DNAH3: variants seen among roughly 807,000 people sequenced by gnomAD.
The protein encoded by DNAH3 is dynein axonemal heavy chain 3, also known as axonemal beta dynein heavy chain 3.
Under a neutral mutation model 432.5 loss-of-function variants are expected in DNAH3, and 332 were observed. The ratio of observed to expected loss-of-function variants is 0.77; its 90% CI spans 0.70 to 0.84. The LOEUF (loss-of-function observed/expected upper bound fraction) is 0.84. DNAH3 is among the 40% of genes least tolerant of loss of function. The pLI is 0.00. For missense variants in DNAH3, 4,861 were observed against 5,114.0 expected (o/e 0.95, Z 1.51); for synonymous variants, 1,956 against 1,900.2 (o/e 1.03, Z -0.76).
At chr16:21,014,223 A>G (rs2087752572) in intron 41 of DNAH3, among the ~76,000 whole-genome samples, 1 of 152,210 alleles carries the variant, frequency 6.6e-6, no homozygotes, top group Non-Finnish European at 1.5e-5. Context: ...AACATATGAA[A>G]AGTATTACAC....
intron 50 of DNAH3, 131 bp from the exon 51 acceptor site, chr16:20,975,546 G>T: frequency 3.5e-6 from 3 of 857,978 alleles, no homozygotes; most frequent in Non-Finnish European, 5.3e-6. Context: ...ATGGTCCTGG[G>T]TACAGATTCG....
chr16:21,087,045 A>G (rs1213811187), exon 19 of DNAH3: 1 of 1,613,766 alleles, frequency 6.2e-7, no homozygotes, highest in African/African-American at 1.3e-5. Flanking sequence ...CTCAGCATTC[A>G]GTAAGAAGAG....
At chr16:20,999,220 A>G (rs2086902456) in intron 43 of DNAH3, among the ~76,000 whole-genome samples, 1 of 152,130 alleles carries the variant, frequency 6.6e-6, no homozygotes, top group Non-Finnish European at 1.5e-5. Flanking sequence ...GTGCCACTGC[A>G]CTCCAGCCTG....
intron 44 of DNAH3, among the ~76,000 whole-genome samples, chr16:20,989,637 C>T (rs567009753): frequency 1.1e-4 from 16 of 152,230 alleles, no homozygotes; most frequent in Admixed American, 5.9e-4. Context: ...CCGGGCGGTA[C>T]GCTCGCACTC....
At chr16:20,988,924 T>TA in intron 44 of DNAH3, among the ~76,000 whole-genome samples, 1 of 152,220 alleles carries the variant, frequency 6.6e-6, no homozygotes, top group Non-Finnish European at 1.5e-5. Context: ...AGGCGGCATG[T>TA]CTGGAGTTAT....
chr16:20,963,836 T>C, exon 53 of DNAH3: 2 of 1,614,082 alleles, frequency 1.2e-6, no homozygotes, highest in Non-Finnish European at 1.7e-6. Context: ...AAATGGTCAA[T>C]GATGTACTTG....
rs768355450 is a variant in DNAH3 at position 21,031,152 on chromosome 16, C to T, written c.5332G>A (p.Glu1778Lys). 2.4e-5 allele frequency: 39 copies of T among 1,613,994 alleles called. No homozygotes were observed. Among genetic ancestry groups the T allele is most frequent in the Non-Finnish European group, 3.2e-5 (38 of 1,180,040 alleles). The change falls in exon 37 of 62, where the codon GAG becomes AAG. Residue 1778 changes from glutamate to lysine, a missense_variant. Glu to Lys is a moderately conservative substitution (Grantham distance 56, BLOSUM62 1). Transcript: ENST00000261383. ...TCATCAGAGAGTGAAGACGCTTGCT[C>T]CCGGAAAGCATTGGCAAGGACACCA...
At chr16:21,067,353 T>G in exon 24 of DNAH3, 3 of 1,614,068 alleles carry the variant, frequency 1.9e-6, no homozygotes, top group Non-Finnish European at 2.5e-6. Context: ...AAGAGAAAGT[T>G]GGCTTCTTGA....
chr16:21,126,231 T>C (rs752567554), intron 8 of DNAH3, among the ~76,000 whole-genome samples: 13 of 152,156 alleles, frequency 8.5e-5, no homozygotes, highest in Non-Finnish European at 1.6e-4. Flanking sequence ...TTTCCTCCCA[T>C]GTCCCCCAGT....
At chr16:20,997,042 C>T in intron 44 of DNAH3, 1 of 452,638 alleles carries the variant, frequency 2.2e-6, no homozygotes, top group Non-Finnish European at 4.0e-6. Context: ...TCTCCTTTTC[C>T]TATGAGACTC....
chr16:20,988,102 A>G, intron 44 of DNAH3, 37 bp from the exon 45 acceptor site: 1 of 1,611,492 alleles, frequency 6.2e-7, no homozygotes, highest in Non-Finnish European at 8.5e-7. Flanking sequence ...CATCCTGGAA[A>G]ACACATATTC....
intron 31 of DNAH3, among the ~76,000 whole-genome samples, chr16:21,044,151 T>C (rs1409364734): frequency 1.5e-5 from 2 of 132,588 alleles, no homozygotes; most frequent in Non-Finnish European, 3.2e-5. Context: ...GACTTGGCGA[T>C]GCGGGCTCTT....
chr16:20,939,761 G>T (rs2083734779), intron 59 of DNAH3, among the ~76,000 whole-genome samples: 1 of 152,166 alleles, frequency 6.6e-6, no homozygotes, highest in Non-Finnish European at 1.5e-5. Flanking sequence ...AGTAACACAT[G>T]CAGTGTCTGG....
chr16:20,964,855 C>G, exon 53 of DNAH3: 1 of 1,614,070 alleles, frequency 6.2e-7, no homozygotes, highest in Non-Finnish European at 8.5e-7. Flanking sequence ...TGTAAAAGCG[C>G]CCAGGTAAGC....
At chr16:21,026,396 A>G (rs1344843701) in intron 38 of DNAH3, among the ~76,000 whole-genome samples, 1 of 152,112 alleles carries the variant, frequency 6.6e-6, no homozygotes, top group African/African-American at 2.4e-5. Context: ...CATTGAGTAC[A>G]CATGGACACA....
At chr16:20,942,114 A>C (rs1045667812) in intron 58 of DNAH3, among the ~76,000 whole-genome samples, 1 of 151,508 alleles carries the variant, frequency 6.6e-6, no homozygotes, top group Non-Finnish European at 1.5e-5. Flanking sequence ...CTCAGGCAAG[A>C]GCCGAAGGGC....
At chr16:21,048,239 T>G (rs906358654) in intron 31 of DNAH3, among the ~76,000 whole-genome samples, 19 of 152,358 alleles carry the variant, frequency 1.2e-4, no homozygotes, top group East Asian at 7.7e-4. Context: ...GTTTACCTAA[T>G]CAAGCCTGGG....
intron 52 of DNAH3, 58 bp downstream of exon 52, chr16:20,969,734 G>A: frequency 6.4e-7 from 1 of 1,571,776 alleles, no homozygotes; most frequent in Non-Finnish European, 8.7e-7. Flanking sequence ...GTGGGTGCTG[G>A]CACCCCACTG....
intron 1 of DNAH3, among the ~76,000 whole-genome samples, chr16:21,152,602 G>A (rs2092865452): frequency 6.6e-6 from 1 of 152,264 alleles, no homozygotes; most frequent in South Asian, 2.1e-4. Flanking sequence ...TGGAGGGAGA[G>A]GCGCGAGCGG....
Sources: gnomAD v4.1 joint callset for allele counts (sites outside exome capture counted in the v4.1 genomes callset) on GRCh38, gnomAD v4.1.1 for gene constraint, MANE v1.5 for transcripts, NCBI Gene and HGNC (gene_info 2026-07-23, HGNC 2026-07-21) for gene names.